RABGEF1: variants seen among roughly 807,000 people sequenced by gnomAD.
The protein encoded by RABGEF1 is rab5 GDP/GTP exchange factor.
A neutral mutation model predicts 57.3 loss-of-function variants in RABGEF1; 26 were observed. The observed-to-expected ratio is 0.45, with a 90% CI of 0.33 to 0.63. The LOEUF is 0.63. Ranked by LOEUF, RABGEF1 falls within the 20% of genes least tolerant of loss-of-function variation. The probability of loss-of-function intolerance (pLI) is 0.02; values close to 1 mark genes in which losing one functional copy is unlikely to be tolerated. For synonymous variants in RABGEF1, 185 were observed against 210.7 expected, an observed-to-expected ratio of 0.88 and a Z score of 1.06; for missense variants, 464 against 607.6, an observed-to-expected ratio of 0.76 and a Z score of 2.48.
At position 66,721,640 on chromosome 7, in the gene RABGEF1, TCC is replaced by T. The variant is rs535052470; in HGVS notation, c.-815+9417_-815+9418del. Among the ~76,000 whole-genome samples, 349 of 152,230 alleles carry T rather than the reference TCC, an allele frequency of 2.3e-3. 2 individuals carry two copies. The highest frequency in any genetic ancestry group is 8.2e-3 in the African/African-American group (340 of 41,540). On this transcript the variant is annotated intron_variant and NMD_transcript_variant, in intron 2 of 9. Coordinates refer to the RABGEF1 transcript ENST00000607882. ...ATGAGAAACTTTGCAGTGGGACCTA[TCC>T]AGATAATCCAGGATAATTTCTCCAC... is the stretch of plus-strand genomic sequence containing the variant.
intron 1 of RABGEF1, chr7:66,755,942 A>G (rs1007734643): frequency 2.1e-5 from 16 of 749,730 alleles, no homozygotes; most frequent in Non-Finnish European, 3.1e-5. Flanking sequence ...ATTTAACATT[A>G]AAACTCTGAC....
chr7:66,769,990 A>AT (rs1186359910), intron 1 of RABGEF1, among the ~76,000 whole-genome samples: 1 of 152,162 alleles, frequency 6.6e-6, no homozygotes, highest in Non-Finnish European at 1.5e-5. Context: ...TTTAAGGTCT[A>AT]TCGCCAGCAT....
At chr7:66,769,434 T>C (rs1806537931) in intron 1 of RABGEF1, among the ~76,000 whole-genome samples, 1 of 152,192 alleles carries the variant, frequency 6.6e-6, no homozygotes, top group Non-Finnish European at 1.5e-5. Context: ...CAGACAAAGA[T>C]TGAGATTGCG....
intron 2 of RABGEF1, among the ~76,000 whole-genome samples, chr7:66,722,547 T>C (rs1465966000): frequency 6.6e-6 from 1 of 152,232 alleles, no homozygotes; most frequent in East Asian, 1.9e-4. Flanking sequence ...GTTTTTCTTT[T>C]ATTACTTGTG....
At position 66,705,443 on chromosome 7, in the gene RABGEF1, A is replaced by AAGACAGAGAGAGAGAGAGAGAGAG. The variant is rs540794271; in HGVS notation, c.-872-6721_-872-6720insCAGAGAGAGAGAGAGAGAGAGAGA. 1.8e-3 allele frequency among the ~76,000 whole-genome samples: 119 copies of AAGACAGAGAGAGAGAGAGAGAGAG among 66,370 alleles called. 15 individuals are homozygous for AAGACAGAGAGAGAGAGAGAGAGAG. The highest frequency in any genetic ancestry group is 3.6e-3 in the East Asian group (7 of 1,952). 43.5% of individuals were successfully genotyped at this position (66,370 alleles called of 152,430 possible). ...CAGAGCGAAACTCCATCTCGAAAGA[A>AAGACAGAGAGAGAGAGAGAGAGAG]AGAGAGAGAGAGAGAGAGAGAGAGA... On this transcript the variant is annotated intron_variant and NMD_transcript_variant, in intron 1 of 9. Coordinates refer to the RABGEF1 transcript ENST00000607882.
intron 2 of RABGEF1, among the ~76,000 whole-genome samples, chr7:66,725,532 T>A (rs759256033): frequency 8.5e-5 from 13 of 152,256 alleles, no homozygotes; most frequent in Non-Finnish European, 1.9e-4. Flanking sequence ...TTTCTTTTTA[T>A]TGCCAATAAC....
chr7:66,673,514 T>G, the RABGEF1 span, among the ~76,000 whole-genome samples: 1 of 150,988 alleles, frequency 6.6e-6, no homozygotes, highest in Non-Finnish European at 1.5e-5. Flanking sequence ...ATTTATGACA[T>G]AGAGATAAGA....
chr7:66,767,201 C>T (rs1583901914), intron 1 of RABGEF1, among the ~76,000 whole-genome samples: 1 of 151,706 alleles, frequency 6.6e-6, no homozygotes, highest in Non-Finnish European at 1.5e-5. Flanking sequence ...CGAGGTTTTG[C>T]CATGTTGGCC....
At chr7:66,775,671 A>C (rs754129281) in intron 3 of RABGEF1, among the ~76,000 whole-genome samples, 3 of 152,208 alleles carry the variant, frequency 2.0e-5, no homozygotes, top group Non-Finnish European at 4.4e-5. Context: ...CCAAATGACT[A>C]TCTCTTTGGA....
chr7:66,664,161 C>A, the RABGEF1 span, among the ~76,000 whole-genome samples: 1 of 151,546 alleles, frequency 6.6e-6, no homozygotes, highest in Admixed American at 6.6e-5. Context: ...CAAGATTGAT[C>A]CACAGAAAGG....
intron 2 of RABGEF1, among the ~76,000 whole-genome samples, chr7:66,733,623 G>A (rs1285994662): frequency 2.6e-5 from 4 of 152,080 alleles, no homozygotes; most frequent in Admixed American, 6.6e-5. Context: ...GCGTGAACCC[G>A]GGAGGTGGAA....
intron 1 of RABGEF1, among the ~76,000 whole-genome samples, chr7:66,696,344 G>A (rs1192793274): frequency 1.3e-5 from 2 of 152,000 alleles, no homozygotes; most frequent in African/African-American, 4.8e-5. Flanking sequence ...GATTACAGGT[G>A]TGAGTCATCC....
intron 1 of RABGEF1, among the ~76,000 whole-genome samples, chr7:66,755,084 G>A (rs1802386576): frequency 6.6e-6 from 1 of 152,174 alleles, no homozygotes; most frequent in Non-Finnish European, 1.5e-5. Flanking sequence ...CACGAGGTCA[G>A]GATATTGAGA....
intron 2 of RABGEF1, among the ~76,000 whole-genome samples, chr7:66,725,856 A>G (rs1796524282): frequency 6.6e-6 from 1 of 152,206 alleles, no homozygotes; most frequent in South Asian, 2.1e-4. Context: ...TGGAAAGTCT[A>G]ATCTGAGGGG....
chr7:66,688,085 C>CAAA (rs60925853), intron 1 of RABGEF1, among the ~76,000 whole-genome samples: 19 of 109,042 alleles, frequency 1.7e-4, no homozygotes, highest in South Asian at 5.9e-4. Flanking sequence ...AACTCTGTGT[C>CAAA]AAAAAAAAAA....
chr7:66,756,225 C>T (rs183483541), intron 1 of RABGEF1: 7 of 522,794 alleles, frequency 1.3e-5, no homozygotes, highest in East Asian at 9.8e-5. Flanking sequence ...GGGAAATGCA[C>T]GTTAAATGAT....
At chr7:66,681,994 C>G (rs1789787654), upstream of RABGEF1, among the ~76,000 whole-genome samples, 1 of 152,228 alleles carries the variant, frequency 6.6e-6, no homozygotes, top group Admixed American at 6.5e-5. Flanking sequence ...GGCGTCAGAG[C>G]GGCACCCTAC....
At chr7:66,704,139 A>G (rs551843321) in intron 1 of RABGEF1, among the ~76,000 whole-genome samples, 1 of 152,290 alleles carries the variant, frequency 6.6e-6, no homozygotes, top group South Asian at 2.1e-4. Flanking sequence ...CCCATCTGGC[A>G]CTAGCAAGCC....
intron 2 of RABGEF1, among the ~76,000 whole-genome samples, chr7:66,721,939 G>A (rs533317779): frequency 6.6e-6 from 1 of 152,074 alleles, no homozygotes; most frequent in South Asian, 2.1e-4. Context: ...TCACTTTGAG[G>A]TCAGTAGTTC....
Sources: allele counts gnomAD v4.1 joint callset (sites outside exome capture counted in the v4.1 genomes callset), GRCh38; gene constraint gnomAD v4.1.1; transcripts MANE v1.5; gene names NCBI Gene and HGNC (gene_info 2026-07-23, HGNC 2026-07-21).